The following C3orf70 variants were observed in gnomAD, a reference collection of about 807,000 sequenced individuals.
C3orf70 encodes chromosome 3 open reading frame 70.
In C3orf70, 15 loss-of-function variants were observed where a neutral mutation model predicts 20.7. The observed-to-expected ratio is 0.72, with a 90% CI of 0.48 to 1.11. The LOEUF (loss-of-function observed/expected upper bound fraction) is 1.11. Ranked by LOEUF, C3orf70 falls within the 50% of genes most tolerant of loss-of-function variation. C3orf70 has a pLI of 0.00. For missense variants in C3orf70, 332 were observed against 317.6 expected (o/e 1.05, Z -0.34); for synonymous variants, 161 against 125.7 (o/e 1.28, Z -1.88).
chr3:185,104,677 G>C (rs573985646), intron 1 of C3orf70, among the ~76,000 whole-genome samples: 1 of 152,256 alleles, frequency 6.6e-6, no homozygotes, highest in East Asian at 1.9e-4. Context: ...CCTTTGCAGA[G>C]AGATGGATGG....
intron 1 of C3orf70, among the ~76,000 whole-genome samples, chr3:185,112,477 A>G (rs1208406329): frequency 6.6e-6 from 1 of 152,196 alleles, no homozygotes; most frequent in Non-Finnish European, 1.5e-5. Flanking sequence ...CTATTGCCAA[A>G]TAATTCCACG....
intron 1 of C3orf70, among the ~76,000 whole-genome samples, chr3:185,084,077 C>T (rs925156630): frequency 2.6e-5 from 4 of 151,608 alleles, no homozygotes; most frequent in Non-Finnish European, 4.4e-5. Flanking sequence ...CCCAGTTACT[C>T]GGGAGGCTGA....
At chr3:185,115,830 G>A (rs188061117) in intron 1 of C3orf70, among the ~76,000 whole-genome samples, 96 of 152,234 alleles carry the variant, frequency 6.3e-4, no homozygotes, top group Admixed American at 2.0e-4. Context: ...GACCTCACAC[G>A]GCAAAAAGAG....
At chr3:185,148,783 C>T (rs923593834) in intron 1 of C3orf70, among the ~76,000 whole-genome samples, 4 of 152,144 alleles carry the variant, frequency 2.6e-5, no homozygotes, top group African/African-American at 9.7e-5. Context: ...TGCTTTCCTC[C>T]CAGGCAACAT....
intron 1 of C3orf70, among the ~76,000 whole-genome samples, chr3:185,092,335 T>C (rs1468399189): frequency 1.3e-5 from 2 of 152,066 alleles, no homozygotes; most frequent in East Asian, 1.9e-4. Flanking sequence ...CATTTGGCCA[T>C]CCCTGCCCAA....
chr3:185,094,674 T>C (rs1425665735), intron 1 of C3orf70, among the ~76,000 whole-genome samples: 1 of 150,824 alleles, frequency 6.6e-6, no homozygotes, highest in African/African-American at 2.5e-5. Flanking sequence ...AAAAAAAAAA[T>C]CTCCTAGGCT....
intron 1 of C3orf70, among the ~76,000 whole-genome samples, chr3:185,108,842 A>C (rs954336096): frequency 2.0e-5 from 3 of 152,198 alleles, no homozygotes; most frequent in Non-Finnish European, 4.4e-5. Flanking sequence ...ATGTACATGT[A>C]TGTGTGGACA....
intron 1 of C3orf70, among the ~76,000 whole-genome samples, chr3:185,090,776 C>G (rs753887470): frequency 8.5e-5 from 13 of 152,066 alleles, no homozygotes; most frequent in African/African-American, 1.4e-4. Context: ...TTTTTTGTGG[C>G]CTGGCCCTTC....
In C3orf70 at chr3:185,152,733, G is replaced by T; in HGVS notation, c.91C>A (p.Arg31Ser). 6.3e-7 allele frequency: 1 copy of T among 1,593,934 alleles called. No homozygotes were observed. Among genetic ancestry groups the T allele is most frequent in the East Asian group, 2.4e-5 (1 of 42,204 alleles). The part of the protein sequence containing the change: ...AQALARSCAA[R>S]RPDFQPCDGL... ...TCGCACGGCTGGAAGTCGGGTCTGC[G>T]GGCGGCGCAACTCCGCGCCAGGGCC... is the stretch of plus-strand genomic sequence containing the variant. The change falls in exon 1 of 2, where the codon CGC becomes AGC. Residue 31 changes from arginine (R) to serine (S), a missense_variant. By Grantham distance (110) the Arg-to-Ser change is moderately radical. Coordinates refer to ENST00000335012, the MANE Select transcript of C3orf70 (RefSeq NM_001025266.3).
intron 1 of C3orf70, among the ~76,000 whole-genome samples, chr3:185,088,443 T>C (rs751612763): frequency 4.3e-4 from 66 of 152,334 alleles, no homozygotes; most frequent in Non-Finnish European, 9.0e-4. Context: ...GTACTACTGT[T>C]TTGCAACTTA....
At chr3:185,126,630 A>G (rs1716417661) in intron 1 of C3orf70, among the ~76,000 whole-genome samples, 1 of 152,248 alleles carries the variant, frequency 6.6e-6, no homozygotes, top group Non-Finnish European at 1.5e-5. Context: ...TAAACCCAAG[A>G]AATAGATATT....
At chr3:185,100,515 T>C (rs1715800668) in intron 1 of C3orf70, among the ~76,000 whole-genome samples, 1 of 152,096 alleles carries the variant, frequency 6.6e-6, no homozygotes, top group Middle Eastern at 3.2e-3. Context: ...AGATACAACA[T>C]ACCAGAATCC....
At chr3:185,146,876 C>T (rs531428839) in intron 1 of C3orf70, among the ~76,000 whole-genome samples, 161 of 152,262 alleles carry the variant, frequency 1.1e-3, no homozygotes, top group African/African-American at 3.8e-3. Context: ...AGTATATTTG[C>T]CCCAAAGTCC....
chr3:185,098,563 A>G (rs1219671486), intron 1 of C3orf70, among the ~76,000 whole-genome samples: 1 of 152,272 alleles, frequency 6.6e-6, no homozygotes, highest in Non-Finnish European at 1.5e-5. Context: ...TCAAAGGATT[A>G]CAAAATGTGA....
At chr3:185,086,647 G>T (rs1715464721) in intron 1 of C3orf70, among the ~76,000 whole-genome samples, 1 of 152,162 alleles carries the variant, frequency 6.6e-6, no homozygotes, top group Non-Finnish European at 1.5e-5. Context: ...TATTATAGCA[G>T]CCCAAACTGA....
At position 185,077,790 on chromosome 3, in the gene C3orf70, G is replaced by GGTGGT. The variant is rs1026681771; in HGVS notation, c.*5216_*5217insACCAC. On this transcript the variant is annotated 3_prime_UTR_variant, in exon 2 of 2. Transcript: ENST00000335012. Reference sequence around the variant, plus strand: ...GAAATAAATGCTATTTGGTGGTGGTGGGGGGGGGGTATCAAGTTTTATTTG... The same window carrying GGTGGT: ...GAAATAAATGCTATTTGGTGGTGGTGGTGGTGGGGGGGGGTATCAAGTTTTATTTG... Among the ~76,000 whole-genome samples the GGTGGT allele has an allele frequency of 7.5e-5, 3 of 40,070 alleles. No homozygotes were observed. In the South Asian group the frequency reaches 3.6e-3, roughly 49 times the overall value. The allele number at this position is 40,070 out of a possible 152,430, so 26.3% of individuals were successfully genotyped here.
chr3:185,101,334 C>G (rs1299534830), intron 1 of C3orf70, among the ~76,000 whole-genome samples: 1 of 152,158 alleles, frequency 6.6e-6, no homozygotes. Flanking sequence ...TTATCCACCA[C>G]GATCAAGTAG....
chr3:185,081,472 G>A lies in C3orf70; in HGVS notation c.*1535C>T, dbSNP rs1220526519. On this transcript the variant is annotated 3_prime_UTR_variant, in exon 2 of 2. Coordinates refer to ENST00000335012, the MANE Select transcript of C3orf70 (RefSeq NM_001025266.3). ...TACCATAATGGTGCCAGAGCACAAG[G>A]GAATCTCAGAGCACAATGGCCTGAG... 1 of 152,122 alleles carries A rather than the reference G, an allele frequency of 6.6e-6. No individual in the cohort carries two copies. Among genetic ancestry groups the A allele is most frequent in the Non-Finnish European group, 1.5e-5 (1 of 68,036 alleles). 9.4% of individuals were successfully genotyped at this position (152,122 alleles called of 1,614,324 possible). A position where few individuals can be genotyped will look rare whatever the true frequency, so the allele number is the denominator to read the frequency against.
chr3:185,133,334 A>G (rs556127559), intron 1 of C3orf70, among the ~76,000 whole-genome samples: 21 of 152,344 alleles, frequency 1.4e-4, no homozygotes, highest in African/African-American at 4.8e-4. Flanking sequence ...TTAAAGATGT[A>G]CCTCCCCAAA....
Sources: gnomAD v4.1 joint callset for allele counts (sites outside exome capture counted in the v4.1 genomes callset) on GRCh38, gnomAD v4.1.1 for gene constraint, MANE v1.5 for transcripts, NCBI Gene and HGNC (gene_info 2026-07-23, HGNC 2026-07-21) for gene names.